GPD2: variants seen among roughly 807,000 people sequenced by gnomAD.
GPD2 encodes the protein glycerol-3-phosphate dehydrogenase, mitochondrial.
A neutral mutation model predicts 82.4 loss-of-function variants in GPD2; 54 were observed. The observed-to-expected ratio is 0.66, with a 90% CI of 0.53 to 0.82. The LOEUF (loss-of-function observed/expected upper bound fraction) is 0.82, where lower values mean the gene tolerates loss of function less well. Among genes scored for constraint, GPD2 ranks in the 40% least tolerant of loss-of-function variants. The pLI is 0.00. For missense variants in GPD2, 748 were observed against 896.2 expected (o/e 0.83, Z 2.11); for synonymous variants, 288 against 306.1 (o/e 0.94, Z 0.62).
rs1051995499 is a variant in GPD2 at position 156,585,903 on chromosome 2, A to C, written c.*2985A>C. 6.6e-6 allele frequency: 1 copy of C among 152,462 alleles called. No homozygotes were observed. Among genetic ancestry groups the C allele is most frequent in the Non-Finnish European group, 1.5e-5 (1 of 67,982 alleles). The allele number at this position is 152,462 out of a possible 1,614,324, so 9.4% of individuals were successfully genotyped here. A position where few individuals can be genotyped will look rare whatever the true frequency, so the allele number is the denominator to read the frequency against. On this transcript the variant is annotated 3_prime_UTR_variant, in exon 17 of 17. Transcript: ENST00000438166. ...GTGCTAGAGTGGATATACACACCGC[A>C]TGTTTTCATATGTGGCACTTTTATG... is the stretch of plus-strand genomic sequence containing the variant.
At chr2:156,403,826 C>T in the GPD2 span, among the ~76,000 whole-genome samples, 143,803 of 152,286 alleles carry the variant, frequency 0.94, 68,465 homozygotes, top group East Asian at 1. Context: ...ACTGCACTTT[C>T]TTAGAGATGG....
chr2:156,489,266 G>A (rs938275166), intron 2 of GPD2, among the ~76,000 whole-genome samples: 5 of 152,226 alleles, frequency 3.3e-5, no homozygotes, highest in African/African-American at 9.6e-5. Flanking sequence ...TGATTTAGAT[G>A]TGAAATATAG....
At chr2:156,576,119 G>T (rs2105373539) in intron 13 of GPD2, among the ~76,000 whole-genome samples, 1 of 152,318 alleles carries the variant, frequency 6.6e-6, no homozygotes, top group Admixed American at 6.5e-5. Context: ...AATAGCACAT[G>T]TGAAAAAGAA....
At chr2:156,447,001 G>A (rs1390704275) in intron 1 of GPD2, among the ~76,000 whole-genome samples, 10 of 151,702 alleles carry the variant, frequency 6.6e-5, no homozygotes, top group Admixed American at 1.3e-4. Flanking sequence ...GCTTTCCCCC[G>A]TACTCTGGAT....
chr2:156,425,691 C>T, the GPD2 span, among the ~76,000 whole-genome samples: 1 of 152,064 alleles, frequency 6.6e-6, no homozygotes, highest in Non-Finnish European at 1.5e-5. Context: ...AGGTTAAGGT[C>T]GAGAGCCAAC....
intron 1 of GPD2, among the ~76,000 whole-genome samples, chr2:156,441,012 G>C (rs1682148774): frequency 6.6e-6 from 1 of 152,178 alleles, no homozygotes; most frequent in African/African-American, 2.4e-5. Flanking sequence ...CAGACCTCCG[G>C]GGAGAGGAGA....
At chr2:156,402,552 GT>G in the GPD2 span, among the ~76,000 whole-genome samples, 3 of 152,192 alleles carry the variant, frequency 2.0e-5, no homozygotes, top group African/African-American at 7.2e-5. Context: ...CCATTCTGAA[GT>G]GATGTACCTT....
At chr2:156,515,882 GT>G (rs1685180030) in intron 6 of GPD2, among the ~76,000 whole-genome samples, 1 of 152,144 alleles carries the variant, frequency 6.6e-6, no homozygotes, top group Non-Finnish European at 1.5e-5. Context: ...TAGTTTTGTG[GT>G]TTTACAACTA....
rs1688161489 is a variant in GPD2 at position 156,584,932 on chromosome 2, C to T, written c.*2014C>T. On this transcript the variant is annotated 3_prime_UTR_variant, in exon 17 of 17. Coordinates refer to ENST00000438166, the MANE Select transcript of GPD2 (RefSeq NM_000408.5). ...ACGATGACTTGTACCCTCCCTGATTCTGTTACAGTAGGGCCCGGGCAGATC... is the reference window on the plus strand; with the variant it reads ...ACGATGACTTGTACCCTCCCTGATTTTGTTACAGTAGGGCCCGGGCAGATC... 6.6e-6 allele frequency: 1 copy of T among 151,952 alleles called. No individual in the cohort carries two copies. Among genetic ancestry groups the T allele is most frequent in the Admixed American group, 6.6e-5 (1 of 15,212 alleles). 9.4% of individuals were successfully genotyped at this position (151,952 alleles called of 1,614,324 possible).
Position 156,497,790 on chromosome 2 carries a change from A to G in GPD2, c.274+1575A>G, listed in dbSNP as rs535686256. On this transcript the variant is annotated intron_variant, in intron 3 of 16. Coordinates refer to ENST00000438166, the MANE Select transcript of GPD2 (RefSeq NM_000408.5). ...TTCAAAATACAGGCACAGGAAGTCT[A>G]CTCTGTTACAAAGTTGACCCCAATT... Among the ~76,000 whole-genome samples the G allele has an allele frequency of 3.9e-5, 6 of 152,258 alleles. No homozygotes were observed. In the South Asian group the frequency reaches 1.2e-3, roughly 32 times the overall value.
chr2:156,410,169 A>G, the GPD2 span, among the ~76,000 whole-genome samples: 1 of 152,234 alleles, frequency 6.6e-6, no homozygotes, highest in Admixed American at 6.5e-5. Context: ...GTGTGACACC[A>G]TAACAAAGTT....
intron 9 of GPD2, among the ~76,000 whole-genome samples, chr2:156,560,798 A>G (rs76439984): frequency 2.0e-5 from 3 of 152,314 alleles, no homozygotes; most frequent in East Asian, 1.9e-4. Context: ...AATGTGAAAG[A>G]GAAGCTCAGC....
chr2:156,569,333 C>A lies in GPD2; in HGVS notation c.1301-30C>A, dbSNP rs201947033. On this transcript the variant is annotated intron_variant, in intron 10 of 16. Coordinates refer to ENST00000438166, the MANE Select transcript of GPD2 (RefSeq NM_000408.5). Reference sequence around the variant, plus strand: ...TATAAGAAAAATAAGGGGTGGCAACCTGATGAATTGTCTATCAATTTCTTT... The same window carrying A: ...TATAAGAAAAATAAGGGGTGGCAACATGATGAATTGTCTATCAATTTCTTT... 971 of 1,503,146 alleles carry A rather than the reference C, an allele frequency of 6.5e-4. 4 individuals carry two copies. The highest frequency in any genetic ancestry group is 8.6e-4 in the Non-Finnish European group (930 of 1,079,410). The allele number at this position is 1,503,146 out of a possible 1,614,324, so 93.1% of individuals were successfully genotyped here.
chr2:156,441,074 C>T (rs528692111), intron 1 of GPD2, among the ~76,000 whole-genome samples: 1 of 152,222 alleles, frequency 6.6e-6, no homozygotes, highest in Admixed American at 6.5e-5. Context: ...ATCAATCATG[C>T]CCACATCATG....
At chr2:156,451,721 G>A (rs1239945038) in intron 1 of GPD2, among the ~76,000 whole-genome samples, 103 of 143,996 alleles carry the variant, frequency 7.2e-4, no homozygotes, top group African/African-American at 2.4e-3. Context: ...CCTCCCGGAC[G>A]GGGCGGCTGG....
At chr2:156,508,391 G>C (rs1684862435) in intron 3 of GPD2, among the ~76,000 whole-genome samples, 2 of 152,080 alleles carry the variant, frequency 1.3e-5, no homozygotes, top group South Asian at 4.1e-4. Flanking sequence ...CACATCACCT[G>C]CTCATTAGAA....
chr2:156,462,616 C>T (rs1460905292), intron 1 of GPD2, among the ~76,000 whole-genome samples: 1 of 151,904 alleles, frequency 6.6e-6, no homozygotes, highest in Non-Finnish European at 1.5e-5. Context: ...ATTCTTAACT[C>T]TATGTAAGAG....
chr2:156,432,574 G>A (rs1558894978), upstream of GPD2, among the ~76,000 whole-genome samples: 1 of 152,196 alleles, frequency 6.6e-6, no homozygotes, highest in Non-Finnish European at 1.5e-5. Context: ...TGCTGCAGCT[G>A]CATCCATGTT....
chr2:156,462,781 A>G (rs936652001), intron 1 of GPD2, among the ~76,000 whole-genome samples: 3 of 152,212 alleles, frequency 2.0e-5, no homozygotes, highest in African/African-American at 7.2e-5. Flanking sequence ...AATTCTAGTA[A>G]GTAGCTCCTT....
Sources: allele counts gnomAD v4.1 joint callset (sites outside exome capture counted in the v4.1 genomes callset), GRCh38; gene constraint gnomAD v4.1.1; transcripts MANE v1.5; gene names NCBI Gene and HGNC (gene_info 2026-07-23, HGNC 2026-07-21).